Variants in TANC2 observed in about 807,000 individuals in gnomAD.
The protein encoded by TANC2 is protein TANC2.
Under a neutral mutation model 210.5 loss-of-function variants are expected in TANC2, and 26 were observed. The ratio of observed to expected loss-of-function variants is 0.12; its 90% CI spans 0.09 to 0.17. The LOEUF (loss-of-function observed/expected upper bound fraction) is 0.17. TANC2 is among the 10% of genes least tolerant of loss of function. The pLI, the probability that TANC2 is intolerant of heterozygous loss-of-function variation, is 1.00. For missense variants in TANC2, 2,129 were observed against 2,608.9 expected, an observed-to-expected ratio of 0.82 and a Z score of 4.01; for synonymous variants, 931 against 967.1, an observed-to-expected ratio of 0.96 and a Z score of 0.69.
At chr17:63,231,157 T>C (rs543047800) in intron 7 of TANC2, among the ~76,000 whole-genome samples, 1 of 152,330 alleles carries the variant, frequency 6.6e-6, no homozygotes, top group East Asian at 1.9e-4. Context: ...AGCCTATGTG[T>C]GTCTTTGCAT....
intron 2 of TANC2, among the ~76,000 whole-genome samples, chr17:63,013,612 A>G (rs972228736): frequency 2.6e-5 from 4 of 152,048 alleles, no homozygotes; most frequent in Admixed American, 2.6e-4. Flanking sequence ...AAATGCATAA[A>G]TTAGCCAGAC....
At chr17:63,122,519 T>G (rs2145145998) in intron 4 of TANC2, among the ~76,000 whole-genome samples, 1 of 152,174 alleles carries the variant, frequency 6.6e-6, no homozygotes, top group African/African-American at 2.4e-5. Context: ...GGTGGATTAC[T>G]TGAGGTCAGG....
intron 8 of TANC2, among the ~76,000 whole-genome samples, chr17:63,250,456 C>T (rs1057366904): frequency 4.0e-5 from 6 of 151,858 alleles, no homozygotes; most frequent in East Asian, 3.9e-4. Context: ...AGTACAATTG[C>T]GTAGTAAGAC....
chr17:63,289,470 C>G (rs1316074162), intron 9 of TANC2, among the ~76,000 whole-genome samples: 1 of 152,142 alleles, frequency 6.6e-6, no homozygotes, highest in East Asian at 1.9e-4. Flanking sequence ...AGACCACATA[C>G]AGTCCATTAA....
At chr17:63,157,158 G>A (rs1351929005) in intron 5 of TANC2, among the ~76,000 whole-genome samples, 1 of 152,146 alleles carries the variant, frequency 6.6e-6, no homozygotes, top group African/African-American at 2.4e-5. Context: ...GAACTTCAGA[G>A]AACAGCCTCA....
chr17:63,302,754 G>A (rs2044763476), intron 9 of TANC2, among the ~76,000 whole-genome samples: 1 of 151,612 alleles, frequency 6.6e-6, no homozygotes, highest in African/African-American at 2.4e-5. Context: ...CGATTTGCCA[G>A]TCTGTGTCAG....
intron 5 of TANC2, among the ~76,000 whole-genome samples, chr17:63,165,275 T>TA (rs111828360): frequency 0.38 from 57,205 of 149,868 alleles, 11,279 homozygotes; most frequent in Non-Finnish European, 0.44. Context: ...AGACCCTATT[T>TA]AAAAAAAAAA....
chr17:63,055,990 A>ATAT (rs1555769555), intron 2 of TANC2, among the ~76,000 whole-genome samples: 1 of 10,098 alleles, frequency 9.9e-5, no homozygotes, highest in Non-Finnish European at 2.2e-4. Flanking sequence ...AAAAAAAAAA[A>ATAT]ATATATATAT....
Position 63,420,969 on chromosome 17 carries a change from T to A in TANC2, c.5239T>A (p.Ser1747Thr), listed in dbSNP as rs761462464. Residue 1747 changes from serine to threonine, a missense_variant, in exon 28 of 28, where the codon TCA becomes ACA. Ser to Thr is a moderately conservative substitution (Grantham distance 58). Around this residue, in one of 5 missense-constraint regions of TANC2, gnomAD observed 584 missense variants for 627.3 expected, o/e 0.93. Transcript: ENST00000689528. This position sits in a 1 kb window ranked among gnomAD's most constrained non-coding sequence, Gnocchi z 4.2. ...CCAGAGCCGGTTGGTTTATCAAGGG[T>A]CAATTGGGGGAATCGTAGGGGATGG... The A allele has an allele frequency of 1.2e-6, 2 of 1,613,834 alleles. No individual in the cohort carries two copies. Among genetic ancestry groups the A allele is most frequent in the Non-Finnish European group, 8.5e-7 (1 of 1,179,846 alleles).
At chr17:63,094,382 T>G (rs2037312509) in intron 3 of TANC2, among the ~76,000 whole-genome samples, 1 of 152,182 alleles carries the variant, frequency 6.6e-6, no homozygotes, top group Non-Finnish European at 1.5e-5. Flanking sequence ...AAAATCGCTT[T>G]GTCTTTAGGG....
At chr17:63,045,710 C>A (rs2035351422) in intron 2 of TANC2, among the ~76,000 whole-genome samples, 1 of 151,958 alleles carries the variant, frequency 6.6e-6, no homozygotes, top group Non-Finnish European at 1.5e-5. Flanking sequence ...ATTTATCATC[C>A]CAGCTTTCTC....
At chr17:63,048,610 T>G (rs762834218) in intron 2 of TANC2, among the ~76,000 whole-genome samples, 27 of 152,318 alleles carry the variant, frequency 1.8e-4, no homozygotes, top group Non-Finnish European at 3.8e-4. Flanking sequence ...ATCAGATGGT[T>G]GTATGTGTGC....
At chr17:62,973,897 A>G (rs1357099336) in intron 1 of TANC2, among the ~76,000 whole-genome samples, 3 of 152,270 alleles carry the variant, frequency 2.0e-5, no homozygotes, top group South Asian at 2.1e-4. Flanking sequence ...TTCATTGTCC[A>G]TAAAGAAAGT....
At chr17:62,970,250 T>C (rs1228156912) in intron 1 of TANC2, among the ~76,000 whole-genome samples, 1 of 152,224 alleles carries the variant, frequency 6.6e-6, no homozygotes, top group African/African-American at 2.4e-5. Flanking sequence ...CTACTGCTTA[T>C]GGCTAAAACT....
chr17:62,997,752 AATTT>A (rs2033185923), intron 1 of TANC2, among the ~76,000 whole-genome samples: 1 of 152,190 alleles, frequency 6.6e-6, no homozygotes, highest in Non-Finnish European at 1.5e-5. Context: ...TTAATGGTAT[AATTT>A]ATTTATTTGG....
At chr17:63,354,883 T>C (rs1307789486) in exon 14 of TANC2, 2 of 1,613,832 alleles carry the variant, frequency 1.2e-6, no homozygotes, top group Non-Finnish European at 1.7e-6. Flanking sequence ...CTGCACCGGA[T>C]ACACAGCAGC....
intron 14 of TANC2, among the ~76,000 whole-genome samples, chr17:63,376,715 C>T (rs1225642829): frequency 6.6e-6 from 1 of 151,820 alleles, no homozygotes; most frequent in South Asian, 2.1e-4. Flanking sequence ...GGGAGAATGT[C>T]TCAGACAAGT....
At chr17:63,039,760 TCTGG>T (rs2035109904) in intron 2 of TANC2, among the ~76,000 whole-genome samples, 2 of 152,292 alleles carry the variant, frequency 1.3e-5, no homozygotes, top group South Asian at 4.1e-4. Flanking sequence ...AATATTTGAT[TCTGG>T]CCAGTAAGGA....
At chr17:63,119,126 A>G (rs1482583347) in intron 4 of TANC2, among the ~76,000 whole-genome samples, 1 of 151,998 alleles carries the variant, frequency 6.6e-6, no homozygotes, top group Non-Finnish European at 1.5e-5. Flanking sequence ...ATGAAGTCTC[A>G]TGTTGCCTAG....
Sources: gnomAD v4.1 joint callset for allele counts (sites outside exome capture counted in the v4.1 genomes callset) on GRCh38, gnomAD v4.1.1 for gene constraint, gnomAD v4.1.1 regional missense constraint, Gnocchi (gnomAD v3.1) non-coding constraint, MANE v1.5 for transcripts, NCBI Gene and HGNC (gene_info 2026-07-23, HGNC 2026-07-21) for gene names.